SH3BP1: variants seen among roughly 807,000 people sequenced by gnomAD.
SH3BP1 encodes SH3 domain binding protein 1, also known as SH3 domain-binding protein 1.
In SH3BP1, 46 loss-of-function variants were observed where a neutral mutation model predicts 69.8. That is an observed-to-expected ratio of 0.66 (90% CI 0.52 to 0.84). SH3BP1 has a LOEUF of 0.84. SH3BP1 is among the 40% of genes least tolerant of loss of function. SH3BP1 has a pLI of 0.00. For missense variants in SH3BP1, 868 were observed against 930.9 expected, an observed-to-expected ratio of 0.93 and a Z score of 0.88; for synonymous variants, 403 against 378.0, an observed-to-expected ratio of 1.07 and a Z score of -0.77.
rs547137378 is a variant in SH3BP1 at position 37,655,085 on chromosome 22, C to T, written c.1694-187C>T. The stretch of plus-strand genomic sequence containing the variant: ...GGGGTGGGACTCTAACTAGGGTGCT[C>T]GGGGAGGGCCTCCAAGGGGGCAAAG... On this transcript the variant is annotated intron_variant, in intron 17 of 17. Transcript: ENST00000649765. Among the ~76,000 whole-genome samples, 158 of 152,190 alleles carry T rather than the reference C, an allele frequency of 1.0e-3. 1 individual carries two copies. Among genetic ancestry groups the T allele is most frequent in the African/African-American group, 3.7e-3 (153 of 41,518 alleles).
At chr22:37,653,096 C>T (rs1346589638) in intron 16 of SH3BP1, among the ~76,000 whole-genome samples, 2 of 151,934 alleles carry the variant, frequency 1.3e-5, no homozygotes, top group African/African-American at 4.8e-5. Flanking sequence ...AAGATCATGC[C>T]ATCGCACTCC....
intron 14 of SH3BP1, 83 bp downstream of exon 14, chr22:37,648,518 C>G: frequency 1.0e-6 from 1 of 958,372 alleles, no homozygotes; most frequent in South Asian, 1.4e-5. Flanking sequence ...TCCCCGGGGC[C>G]TTGGTGTCCC....
intron 16 of SH3BP1, 72 bp downstream of exon 16, chr22:37,650,797 G>A (rs1932865529): frequency 2.0e-6 from 3 of 1,496,852 alleles, no homozygotes; most frequent in Admixed American, 4.6e-5. Flanking sequence ...CCATGTCTCA[G>A]AGCTGGAAGC....
chr22:37,647,145 A>G, intron 11 of SH3BP1, 122 bp from the exon 12 acceptor site: 1 of 919,144 alleles, frequency 1.1e-6, no homozygotes, highest in Non-Finnish European at 1.7e-6. Flanking sequence ...AAGGGCCTAC[A>G]GCCCAAAGAA....
chr22:37,644,145 C>T (rs1222425219), intron 7 of SH3BP1, among the ~76,000 whole-genome samples: 2 of 152,120 alleles, frequency 1.3e-5, no homozygotes, highest in African/African-American at 2.4e-5. Flanking sequence ...TTGGGGAGGC[C>T]GAGGCAGGCG....
intron 3 of SH3BP1, 105 bp from the exon 4 acceptor site, chr22:37,642,433 TG>T: frequency 9.5e-7 from 1 of 1,048,610 alleles, no homozygotes; most frequent in Non-Finnish European, 1.5e-6. Context: ...TCTGGGACTG[TG>T]GCCCTCCTGG....
chr22:37,653,725 A>T, intron 16 of SH3BP1, 54 bp from the exon 17 acceptor site: 1 of 1,288,906 alleles, frequency 7.8e-7, no homozygotes, highest in Admixed American at 1.9e-5. Flanking sequence ...TCAGGATTCC[A>T]TGAGACTTCT....
At chr22:37,645,661 A>C in intron 10 of SH3BP1, 151 bp downstream of exon 10, 2 of 861,086 alleles carry the variant, frequency 2.3e-6, no homozygotes, top group Non-Finnish European at 3.5e-6. Context: ...CGGCATCCAC[A>C]CTACCTCCCC....
intron 12 of SH3BP1, 38 bp from the exon 13 acceptor site, chr22:37,647,403 C>A: frequency 6.2e-7 from 1 of 1,611,670 alleles, no homozygotes; most frequent in Non-Finnish European, 8.5e-7. Flanking sequence ...AAAGGTGTAG[C>A]CCTGCGCTGG....
At chr22:37,641,656 C>A (rs927172089) in intron 3 of SH3BP1, among the ~76,000 whole-genome samples, 178 bp downstream of exon 3, 3 of 152,220 alleles carry the variant, frequency 2.0e-5, no homozygotes, top group African/African-American at 7.2e-5. Context: ...CCTTCCCCAT[C>A]ACCTTTACCC....
chr22:37,647,063 G>A (rs778218113), intron 11 of SH3BP1, 134 bp downstream of exon 11: 28 of 728,576 alleles, frequency 3.8e-5, no homozygotes, highest in Non-Finnish European at 5.1e-5. Flanking sequence ...CTTAATGTGG[G>A]GTCCATCATG....
chr22:37,641,211 G>T, intron 2 of SH3BP1, 43 bp downstream of exon 2: 1 of 1,545,282 alleles, frequency 6.5e-7, no homozygotes, highest in South Asian at 1.2e-5. Context: ...GGCCTGTGCA[G>T]GCTGTCTCGG....
Position 37,642,824 on chromosome 22 carries a change from G to T in SH3BP1, c.285-71G>T, listed in dbSNP as rs1000079638. 7.5e-5 allele frequency: 120 copies of T among 1,590,724 alleles called. No homozygotes were observed. The South Asian group carries it at 1.3e-3, about 17-fold the overall frequency. On this transcript the variant is annotated intron_variant, in intron 4 of 17. Transcript: ENST00000649765. Reference sequence around the variant, plus strand: ...GAGGGGCCGGAAGTGAGGGAGGAGAGGCCCCACCAAGTGTTTCCAGTGGAG... The same window carrying T: ...GAGGGGCCGGAAGTGAGGGAGGAGATGCCCCACCAAGTGTTTCCAGTGGAG...
chr22:37,650,207 G>A lies in SH3BP1; in HGVS notation c.1372G>A (p.Val458Ile), dbSNP rs754015130. 3.3e-5 allele frequency: 54 copies of A among 1,613,730 alleles called. No individual in the cohort carries two copies. Among genetic ancestry groups the A allele is most frequent in the Admixed American group, 5.0e-5 (3 of 59,966 alleles). Reference protein sequence around the residue: ...SVSSIQVVGVVEALIQSADTL... With the variant: ...SVSSIQVVGVIEALIQSADTL... The stretch of plus-strand genomic sequence containing the variant: ...GTCTTCCATCCAGGTGGTGGGCGTC[G>A]TCGAGGCGCTGATCCAGAGCGCAGA... The change falls in exon 15 of 18, where the codon GTC becomes ATC. Residue 458 changes from valine (V) to isoleucine (I), a missense_variant. Physicochemically the swap from Val to Ile is conservative, Grantham distance 29. Around this residue, in one of 3 missense-constraint regions of SH3BP1, gnomAD observed 474 missense variants for 462.3 expected, o/e 1.03. Transcript: ENST00000649765.
chr22:37,648,766 C>T (rs761808971), intron 14 of SH3BP1: 28 of 208,108 alleles, frequency 1.3e-4, no homozygotes, highest in African/African-American at 1.5e-4. Context: ...TACAGTGGCG[C>T]AATCTCGGCT....
Position 37,650,653 on chromosome 22 carries a change from C to A in SH3BP1, c.1526C>A (p.Thr509Asn), listed in dbSNP as rs762011401. The A allele has an allele frequency of 1.2e-6, 2 of 1,613,920 alleles. No individual in the cohort carries two copies. The highest frequency in any genetic ancestry group is 1.7e-6 in the Non-Finnish European group (2 of 1,180,026). Residue 509 changes from threonine to asparagine, a missense_variant, in exon 16 of 18, where the codon ACC becomes AAC. Thr to Asn is a moderately conservative substitution (Grantham distance 65). Transcript: ENST00000649765. The stretch of plus-strand genomic sequence containing the variant: ...TCCACTGCCGTGCCCACCCCAGCCA[C>A]CACCCCGGCTCCGGCTCCGGCTCCA... ...LPSTAVPTPATTPAPAPAPAP... is the reference protein window; with the variant it reads ...LPSTAVPTPANTPAPAPAPAP...
chr22:37,641,235 G>T lies in SH3BP1; in HGVS notation c.102+67G>T, dbSNP rs907962708. 4 of 1,528,814 alleles carry T rather than the reference G, an allele frequency of 2.6e-6. No individual in the cohort carries two copies. The African/African-American group carries it at 4.1e-5, about 16-fold the overall frequency. 94.7% of individuals were successfully genotyped at this position (1,528,814 alleles called of 1,614,324 possible). On this transcript the variant is annotated intron_variant, in intron 2 of 17. Coordinates refer to ENST00000649765, the MANE Select transcript of SH3BP1 (RefSeq NM_018957.6). Reference sequence around the variant, plus strand: ...AGGCTGTCTCGGAGCAGAGGGCCGGGGCGGGGACGCCAGGTAGGGGCCTGG... The same window carrying T: ...AGGCTGTCTCGGAGCAGAGGGCCGGTGCGGGGACGCCAGGTAGGGGCCTGG...
chr22:37,654,571 CAAA>C (rs532974366), intron 17 of SH3BP1, among the ~76,000 whole-genome samples: 1 of 122,572 alleles, frequency 8.2e-6, no homozygotes. Flanking sequence ...GACTCTGTCT[CAAA>C]AAAAAAAAAA....
intron 14 of SH3BP1, chr22:37,648,657 G>A (rs1181524434): frequency 6.0e-6 from 3 of 496,386 alleles, no homozygotes; most frequent in East Asian, 6.4e-5. Flanking sequence ...TGGTGATGAG[G>A]TGTTTAGTGG....
Sources: allele counts gnomAD v4.1 joint callset (sites outside exome capture counted in the v4.1 genomes callset), GRCh38; gene constraint gnomAD v4.1.1; regional missense constraint gnomAD v4.1.1; transcripts MANE v1.5; gene names NCBI Gene and HGNC (gene_info 2026-07-23, HGNC 2026-07-21).